The following TTC7B variants were observed in gnomAD, a reference collection of about 807,000 sequenced individuals.
TTC7B encodes tetratricopeptide repeat protein 7B.
Under a neutral mutation model 106.8 loss-of-function variants are expected in TTC7B, and 28 were observed. The ratio of observed to expected loss-of-function variants is 0.26; its 90% CI spans 0.19 to 0.36. The LOEUF is 0.36. Among genes scored for constraint, TTC7B ranks in the 10% least tolerant of loss-of-function variants. The probability of loss-of-function intolerance (pLI) is 1.00; values close to 1 mark genes in which losing one functional copy is unlikely to be tolerated. For missense variants in TTC7B, 862 were observed against 1,076.4 expected (o/e 0.80, Z 2.79); for synonymous variants, 405 against 430.6 (o/e 0.94, Z 0.74).
chr14:90,583,906 A>G (rs371486128), intron 18 of TTC7B, among the ~76,000 whole-genome samples: 3 of 152,146 alleles, frequency 2.0e-5, no homozygotes, highest in East Asian at 3.9e-4. Context: ...AAAATTCAAA[A>G]TCAGGGCCCT....
chr14:90,796,856 CT>C (rs35291655), intron 1 of TTC7B, among the ~76,000 whole-genome samples: 6,787 of 145,254 alleles, frequency 0.047, 201 homozygotes, highest in Non-Finnish European at 0.065. Context: ...TTCTTTTTTT[CT>C]TTTTTTTTTT....
Position 90,654,862 on chromosome 14 carries a change from C to A in TTC7B, c.1459+131G>T, listed in dbSNP as rs931076690. 1.1e-5 allele frequency: 8 copies of A among 710,616 alleles called. No homozygotes were observed. In the East Asian group the frequency reaches 2.1e-4, roughly 19 times the overall value. The allele number at this position is 710,616 out of a possible 1,614,324, so 44.0% of individuals were successfully genotyped here. ...AGGACAGCAGCACCAGGGGCCCCACCGGATGGCACACCAGAATGCCCCAGC... is the reference window on the plus strand; with the variant it reads ...AGGACAGCAGCACCAGGGGCCCCACAGGATGGCACACCAGAATGCCCCAGC... On this transcript the variant is annotated intron_variant, in intron 12 of 19. Coordinates refer to ENST00000328459, the MANE Select transcript of TTC7B (RefSeq NM_001010854.2).
intron 5 of TTC7B, chr14:90,699,169 C>G (rs755792656): frequency 2.2e-6 from 1 of 455,854 alleles, no homozygotes; most frequent in Non-Finnish European, 4.4e-6. Flanking sequence ...TGGTTTCGTC[C>G]TGTTCTATGA....
Position 90,624,542 on chromosome 14 carries a change from C to T in TTC7B, c.1752-6497G>A, listed in dbSNP as rs1884356410. ...TAGTTTAGTTTTAGCCTTGGCCCCA[C>T]CCCAGTGAGTCCCAGACTTGGGCAG... is the stretch of plus-strand genomic sequence containing the variant. On this transcript the variant is annotated intron_variant, in intron 15 of 19. Coordinates refer to ENST00000328459, the MANE Select transcript of TTC7B (RefSeq NM_001010854.2). This position sits in a 1 kb window ranked among gnomAD's most constrained non-coding sequence, Gnocchi z 4.0. 6.6e-6 allele frequency among the ~76,000 whole-genome samples: 1 copy of T among 152,220 alleles called. No homozygotes were observed. Among genetic ancestry groups the T allele is most frequent in the Admixed American group, 6.5e-5 (1 of 15,290 alleles).
rs1666913753 is a variant in TTC7B, at chr14:90,570,996, G to A, written c.2310+7110C>T. Among the ~76,000 whole-genome samples, 2 of 152,158 alleles carry A rather than the reference G, an allele frequency of 1.3e-5. No individual in the cohort carries two copies. Among genetic ancestry groups the A allele is most frequent in the African/African-American group, 4.8e-5 (2 of 41,444 alleles). ...CCACCGCCTGTCACTGAAGCTCTGG[G>A]TTCCTAAGGGACCACACCAACATAC... is the stretch of plus-strand genomic sequence containing the variant. On this transcript the variant is annotated intron_variant, in intron 19 of 19. Transcript: ENST00000328459. This position sits in a 1 kb window ranked among gnomAD's most constrained non-coding sequence, Gnocchi z 4.0.
intron 5 of TTC7B, among the ~76,000 whole-genome samples, chr14:90,703,272 G>C (rs1204950643): frequency 2.6e-5 from 4 of 152,192 alleles, no homozygotes; most frequent in Non-Finnish European, 5.9e-5. Context: ...AGGTAAAAAT[G>C]TCCTGCTAAC....
In TTC7B at chr14:90,578,721, G is replaced by C. The variant is rs898690619; in HGVS notation, c.2108-413C>G. ...GGCACAAGCAGACCAGAGGCACCCAGACCCTCAGAGGGCAACGGCTCTGCC... is the reference window on the plus strand; with the variant it reads ...GGCACAAGCAGACCAGAGGCACCCACACCCTCAGAGGGCAACGGCTCTGCC... On this transcript the variant is annotated intron_variant, in intron 18 of 19. Transcript: ENST00000328459. The surrounding 1 kb of genome is among the most constrained non-coding windows in gnomAD (Gnocchi z 4.7). 6.6e-6 allele frequency among the ~76,000 whole-genome samples: 1 copy of C among 151,956 alleles called. No individual in the cohort carries two copies. The highest frequency in any genetic ancestry group is 2.0e-4 in the East Asian group (1 of 5,110).
intron 2 of TTC7B, among the ~76,000 whole-genome samples, chr14:90,784,428 G>A (rs1390099442): frequency 1.3e-5 from 2 of 152,114 alleles, no homozygotes; most frequent in South Asian, 2.1e-4. Context: ...GTGGTGGCGG[G>A]TGCCTGTAGT....
At chr14:90,637,524 T>C (rs1475918280) in intron 15 of TTC7B, among the ~76,000 whole-genome samples, 2 of 152,170 alleles carry the variant, frequency 1.3e-5, no homozygotes, top group African/African-American at 4.8e-5. Context: ...TTTATGAGGC[T>C]GGGCTGACCT....
intron 17 of TTC7B, chr14:90,602,276 G>A: frequency 2.2e-6 from 1 of 454,664 alleles, no homozygotes; most frequent in Admixed American, 2.4e-5. Flanking sequence ...CATTTAATGT[G>A]GTTAATGTGA....
rs1432319030 is a variant in TTC7B at position 90,657,004 on chromosome 14, G to A, written c.1341+170C>T. Among the ~76,000 whole-genome samples the A allele has an allele frequency of 2.0e-5, 3 of 152,182 alleles. No homozygotes were observed. The highest frequency in any genetic ancestry group is 2.0e-4 in the Admixed American group (3 of 15,280). On this transcript the variant is annotated intron_variant, in intron 11 of 19. Coordinates refer to ENST00000328459, the MANE Select transcript of TTC7B (RefSeq NM_001010854.2). The surrounding 1 kb of genome is among the most constrained non-coding windows in gnomAD (Gnocchi z 4.2). ...CCTCAGTCCTTGGGGGAGTGGATGA[G>A]GCCTGAGGAGGCCAGGGGCCCAGGC...
chr14:90,741,475 T>C lies in TTC7B; in HGVS notation c.576+3317A>G, dbSNP rs193290349. On this transcript the variant is annotated intron_variant, in intron 4 of 19. Transcript: ENST00000328459. Reference sequence around the variant, plus strand: ...ATGGCGGGGAAGTGACAGGGCACCATGGAGAGGCCACCTCTGCCCAGCGGA... The same window carrying C: ...ATGGCGGGGAAGTGACAGGGCACCACGGAGAGGCCACCTCTGCCCAGCGGA... Among the ~76,000 whole-genome samples the C allele has an allele frequency of 4.0e-3, 604 of 152,222 alleles. 3 individuals carry two copies. Among genetic ancestry groups the C allele is most frequent in the Non-Finnish European group, 5.8e-3 (395 of 68,008 alleles).
chr14:90,666,868 G>A (rs755651608), intron 9 of TTC7B, among the ~76,000 whole-genome samples: 3 of 152,170 alleles, frequency 2.0e-5, no homozygotes, highest in African/African-American at 4.8e-5. Context: ...TGCTGGATGC[G>A]GTTTTCTGGC....
chr14:90,692,019 T>C (rs1887493767), intron 6 of TTC7B, among the ~76,000 whole-genome samples: 1 of 152,224 alleles, frequency 6.6e-6, no homozygotes, highest in Non-Finnish European at 1.5e-5. Flanking sequence ...TCAAGGTTCA[T>C]CAGTATCATC....
At chr14:90,812,425 T>G (rs1220706336) in intron 1 of TTC7B, among the ~76,000 whole-genome samples, 1 of 152,148 alleles carries the variant, frequency 6.6e-6, no homozygotes, top group African/African-American at 2.4e-5. Context: ...GGCTGCTGCC[T>G]CAGCTCCAAG....
chr14:90,748,620 C>T (rs1369988611), intron 3 of TTC7B, among the ~76,000 whole-genome samples: 1 of 152,120 alleles, frequency 6.6e-6, no homozygotes, highest in Non-Finnish European at 1.5e-5. Flanking sequence ...AGCCACCATG[C>T]CCAGCTCCTA....
intron 19 of TTC7B, chr14:90,567,815 C>T (rs764783570): frequency 3.3e-5 from 5 of 152,278 alleles, no homozygotes; most frequent in Non-Finnish European, 7.3e-5. Context: ...TGCAGTGCCT[C>T]TAACTCTCTG....
intron 4 of TTC7B, among the ~76,000 whole-genome samples, chr14:90,740,001 A>G (rs878935946): frequency 6.6e-6 from 1 of 152,224 alleles, no homozygotes; most frequent in Non-Finnish European, 1.5e-5. Context: ...ATCTGCTCTA[A>G]TGTAATTTAT....
chr14:90,554,746 A>G (rs548876109), intron 19 of TTC7B, among the ~76,000 whole-genome samples: 26 of 152,226 alleles, frequency 1.7e-4, no homozygotes, highest in Non-Finnish European at 2.6e-4. Flanking sequence ...AAGAGACAAT[A>G]TGATGCTCTC....
Sources: allele counts gnomAD v4.1 joint callset (sites outside exome capture counted in the v4.1 genomes callset), GRCh38; gene constraint gnomAD v4.1.1; non-coding constraint Gnocchi (gnomAD v3.1); transcripts MANE v1.5; gene names NCBI Gene and HGNC (gene_info 2026-07-23, HGNC 2026-07-21).